L3MBTL4: variants seen among roughly 807,000 people sequenced by gnomAD.
L3MBTL4 encodes lethal(3)malignant brain tumor-like protein 4.
Under a neutral mutation model 84.5 loss-of-function variants are expected in L3MBTL4, and 70 were observed. That is an observed-to-expected ratio of 0.83 (90% CI 0.68 to 1.01). The LOEUF (loss-of-function observed/expected upper bound fraction) is 1.01, where lower values mean the gene tolerates loss of function less well. L3MBTL4 is among the 50% of genes least tolerant of loss of function. The pLI, the probability that L3MBTL4 is intolerant of heterozygous loss-of-function variation, is 0.00. For missense variants in L3MBTL4, 715 were observed against 754.8 expected (o/e 0.95, Z 0.62); for synonymous variants, 274 against 259.8 (o/e 1.05, Z -0.52).
intron 16 of L3MBTL4, among the ~76,000 whole-genome samples, chr18:6,001,516 G>A (rs78268476): frequency 0.039 from 5,955 of 152,066 alleles, 362 homozygotes; most frequent in Admixed American, 0.16. Flanking sequence ...TGGGGAAGGC[G>A]GGGAATCTGA....
intron 16 of L3MBTL4, among the ~76,000 whole-genome samples, chr18:5,988,443 T>C (rs1415995343): frequency 6.6e-6 from 1 of 152,242 alleles, no homozygotes; most frequent in Non-Finnish European, 1.5e-5. Flanking sequence ...ATGTAAATTA[T>C]ATTTAGCTTA....
intron 1 of L3MBTL4, among the ~76,000 whole-genome samples, chr18:6,335,262 T>C (rs2052272220): frequency 6.6e-6 from 1 of 152,064 alleles, no homozygotes; most frequent in Non-Finnish European, 1.5e-5. Flanking sequence ...AGCTAATTTT[T>C]GCATGTTTAG....
chr18:5,969,580 T>G lies in L3MBTL4; in HGVS notation c.1445-18A>C, dbSNP rs1598315326. On this transcript the variant is annotated intron_variant, in intron 16 of 18. Transcript: ENST00000317931. ...CGAGTATTCTGTAAGAGAGGTGGGGTGGGGTGAGGCTCAGGCTCCCAGAGA... is the reference window on the plus strand; with the variant it reads ...CGAGTATTCTGTAAGAGAGGTGGGGGGGGGTGAGGCTCAGGCTCCCAGAGA... 2.5e-6 allele frequency: 4 copies of G among 1,575,720 alleles called. No homozygotes were observed.
intron 5 of L3MBTL4, among the ~76,000 whole-genome samples, chr18:6,253,024 A>G (rs1252185009): frequency 6.6e-6 from 1 of 152,194 alleles, no homozygotes; most frequent in African/African-American, 2.4e-5. Flanking sequence ...CAACGTGGTG[A>G]AACCCCGTCT....
At chr18:6,168,114 T>C (rs2043772426) in intron 13 of L3MBTL4, among the ~76,000 whole-genome samples, 1 of 152,098 alleles carries the variant, frequency 6.6e-6, no homozygotes, top group Non-Finnish European at 1.5e-5. Context: ...GAATCCAACT[T>C]ACAAGGGATG....
intron 3 of L3MBTL4, among the ~76,000 whole-genome samples, chr18:6,308,416 A>G (rs1397731847): frequency 6.6e-6 from 1 of 152,222 alleles, no homozygotes; most frequent in Non-Finnish European, 1.5e-5. Context: ...CTTTGGTACA[A>G]TAATTTCACT....
intron 14 of L3MBTL4, among the ~76,000 whole-genome samples, chr18:6,095,760 G>C (rs2058621469): frequency 6.6e-6 from 1 of 152,190 alleles, no homozygotes; most frequent in African/African-American, 2.4e-5. Context: ...TGCAGGCTTG[G>C]TTTGTCCTGG....
intron 1 of L3MBTL4, among the ~76,000 whole-genome samples, chr18:6,330,323 C>G (rs1243631657): frequency 2.6e-5 from 4 of 152,186 alleles, no homozygotes; most frequent in African/African-American, 4.8e-5. Flanking sequence ...ATAGATCCCA[C>G]TAGGCTAAAA....
chr18:6,043,547 T>C (rs2056493101), intron 16 of L3MBTL4, among the ~76,000 whole-genome samples: 1 of 152,224 alleles, frequency 6.6e-6, no homozygotes, highest in Non-Finnish European at 1.5e-5. Context: ...ATTAAATATC[T>C]TTGGAATAAA....
chr18:5,965,951 A>G (rs963567687), intron 17 of L3MBTL4, among the ~76,000 whole-genome samples: 4 of 152,190 alleles, frequency 2.6e-5, no homozygotes, highest in Non-Finnish European at 5.9e-5. Context: ...AGACTTTCCC[A>G]TGGCTCATAT....
intron 12 of L3MBTL4, among the ~76,000 whole-genome samples, chr18:6,192,267 T>C (rs1353377159): frequency 6.6e-6 from 1 of 152,098 alleles, no homozygotes; most frequent in Non-Finnish European, 1.5e-5. Context: ...ATGGCAGACA[T>C]AATACCATAT....
At chr18:6,189,308 A>T (rs2044946475) in intron 12 of L3MBTL4, among the ~76,000 whole-genome samples, 1 of 152,188 alleles carries the variant, frequency 6.6e-6, no homozygotes, top group East Asian at 1.9e-4. Flanking sequence ...TTAAATCTTC[A>T]AATATCATTT....
chr18:6,263,709 T>C (rs1463817751), intron 5 of L3MBTL4, among the ~76,000 whole-genome samples: 3 of 152,154 alleles, frequency 2.0e-5, no homozygotes, highest in Non-Finnish European at 4.4e-5. Flanking sequence ...TCCTACCTCA[T>C]GGATGAGGAA....
chr18:6,382,368 C>A (rs2054626475), intron 1 of L3MBTL4, among the ~76,000 whole-genome samples: 1 of 152,146 alleles, frequency 6.6e-6, no homozygotes, highest in African/African-American at 2.4e-5. Context: ...CCAGTGTTGT[C>A]CCCTTGCTGG....
intron 12 of L3MBTL4, among the ~76,000 whole-genome samples, chr18:6,193,022 G>A (rs942826889): frequency 6.6e-6 from 1 of 152,070 alleles, no homozygotes. Flanking sequence ...TGACGGAGTT[G>A]GGATATTCAA....
At chr18:6,403,574 C>A (rs1237768728) in intron 1 of L3MBTL4, among the ~76,000 whole-genome samples, 2 of 152,198 alleles carry the variant, frequency 1.3e-5, no homozygotes, top group Admixed American at 1.3e-4. Flanking sequence ...ATAAATTACA[C>A]ATATATTTTT....
At chr18:6,130,879 C>T (rs1263361306) in intron 14 of L3MBTL4, among the ~76,000 whole-genome samples, 4 of 152,090 alleles carry the variant, frequency 2.6e-5, no homozygotes, top group Non-Finnish European at 5.9e-5. Context: ...CAGATAAGAA[C>T]TGATGCAATT....
At position 6,342,932 on chromosome 18, in the gene L3MBTL4, G is replaced by A. The variant is rs144024835; in HGVS notation, c.-90-30876C>T. ...TAGTAACCGAAGGAGAGCAGGAGTA[G>A]CTATACTTATATCAGAAAAAAAACT... On this transcript the variant is annotated intron_variant, in intron 1 of 18. Transcript: ENST00000317931. 8.9e-3 allele frequency among the ~76,000 whole-genome samples: 1,346 copies of A among 152,074 alleles called. 19 individuals carry two copies. Among genetic ancestry groups the A allele is most frequent in the African/African-American group, 0.031 (1,301 of 41,502 alleles).
Position 6,264,056 on chromosome 18 carries a change from A to T in L3MBTL4, c.128-18T>A. 6.4e-7 allele frequency: 1 copy of T among 1,551,146 alleles called. No individual in the cohort carries two copies. The highest frequency in any genetic ancestry group is 8.9e-7 in the Non-Finnish European group (1 of 1,124,482). ...TGAAGGGACTGGAAGAGAAAACACA[A>T]TGACTTTTCTCAAAATGATTAGTGA... is the stretch of plus-strand genomic sequence containing the variant. On this transcript the variant is annotated intron_variant, in intron 4 of 18. Transcript: ENST00000317931.
Sources: allele counts gnomAD v4.1 joint callset (sites outside exome capture counted in the v4.1 genomes callset), GRCh38; gene constraint gnomAD v4.1.1; transcripts MANE v1.5; gene names NCBI Gene and HGNC (gene_info 2026-07-23, HGNC 2026-07-21).